The following FXYD3 variants were observed in gnomAD, a reference collection of about 807,000 sequenced individuals.
The protein encoded by FXYD3 is FXYD domain-containing ion transport regulator 3.
Under a neutral mutation model 19.2 loss-of-function variants are expected in FXYD3, and 13 were observed. The observed-to-expected ratio is 0.68, with a 90% confidence interval of 0.44 to 1.08. FXYD3 has a LOEUF of 1.08. Among genes scored for constraint, FXYD3 ranks in the 50% least tolerant of loss-of-function variants. The pLI is 0.00. For missense variants in FXYD3, 101 were observed against 109.4 expected (o/e 0.92, Z 0.34); for synonymous variants, 48 against 38.9 (o/e 1.23, Z -0.87).
chr19:35,119,578 A>G (rs923412493), intron 3 of FXYD3, 162 bp downstream of exon 3: 12 of 619,806 alleles, frequency 1.9e-5, no homozygotes, highest in Non-Finnish European at 3.2e-5. Context: ...ATAGCCGGGG[A>G]TACACGAGAA....
intron 2 of FXYD3, chr19:35,117,131 A>G (rs1308558555): frequency 1.4e-5 from 18 of 1,331,298 alleles, no homozygotes; most frequent in Non-Finnish European, 1.7e-5. Flanking sequence ...CTGCTCACCA[A>G]CCACATCAGT....
intron 2 of FXYD3, chr19:35,117,517 C>T (rs781435959): frequency 2.5e-5 from 20 of 788,250 alleles, no homozygotes; most frequent in Non-Finnish European, 3.7e-5. Context: ...AAGTGGGAAG[C>T]TGAGAAAATG....
At chr19:35,121,477 G>C in intron 5 of FXYD3, 1 of 1,442,968 alleles carries the variant, frequency 6.9e-7, no homozygotes, top group South Asian at 1.5e-5. Context: ...GGTGAGGACA[G>C]TTTGCAAGAA....
At position 35,123,327 on chromosome 19, in the gene FXYD3, G is replaced by A. The variant is rs764443826; in HGVS notation, c.247+19G>A. ...ACCCCAGGTAAGATGGGGCAGCATG[G>A]GGCTCAGGGGAACACGGAAGTGGTG... On this transcript the variant is annotated intron_variant, in intron 8 of 8. Transcript: ENST00000604404. 1 of 1,611,544 alleles carries A rather than the reference G, an allele frequency of 6.2e-7. No homozygotes were observed.
In FXYD3 at chr19:35,119,146, A is replaced by T. The variant is rs377069678; in HGVS notation, c.-14-217A>T. On this transcript the variant is annotated intron_variant, in intron 2 of 8. Coordinates refer to ENST00000604404, the MANE Select transcript of FXYD3 (RefSeq NM_005971.4). The stretch of plus-strand genomic sequence containing the variant: ...GCCTGAAGTCCATGTCCAGTGAGTT[A>T]TTATGGCTCCTCCCGCCTCAGGCCC... 162 of 1,534,240 alleles carry T rather than the reference A, an allele frequency of 1.1e-4. 1 individual carries two copies. The African/African-American group carries it at 2.1e-3, about 20-fold the overall frequency.
intron 2 of FXYD3, chr19:35,119,037 C>CA: frequency 1.4e-6 from 1 of 713,408 alleles, no homozygotes; most frequent in Non-Finnish European, 2.5e-6. Flanking sequence ...TTTCACCTCT[C>CA]AGAGCCTCAG....
chr19:35,116,068 G>A, intron 1 of FXYD3, 109 bp downstream of exon 1: 1 of 200,666 alleles, frequency 5.0e-6, no homozygotes, highest in South Asian at 1.7e-4. Context: ...GGAGATTGGA[G>A]AAAGCTCCTC....
intron 2 of FXYD3, chr19:35,117,414 C>T: frequency 1.4e-6 from 2 of 1,415,876 alleles, no homozygotes; most frequent in South Asian, 1.6e-5. Flanking sequence ...GAGCATAGGG[C>T]TTTAAGATGA....
In FXYD3 at chr19:35,123,924, A is replaced by T. The variant is rs2065104822; in HGVS notation, c.*467A>T. The T allele has an allele frequency of 4.9e-6, 1 of 205,588 alleles. No individual in the cohort carries two copies. Among genetic ancestry groups the T allele is most frequent in the Non-Finnish European group, 1.0e-5 (1 of 99,876 alleles). The allele number at this position is 205,588 out of a possible 1,614,324, so 12.7% of individuals were successfully genotyped here. A position where few individuals can be genotyped will look rare whatever the true frequency, so the allele number is the denominator to read the frequency against. ...ACCAGATGGAACACTGGAACATTCC[A>T]GTGGACCCTGGACCATTCCAGGAAA... On this transcript the variant is annotated 3_prime_UTR_variant, in exon 9 of 9. Coordinates refer to ENST00000604404, the MANE Select transcript of FXYD3 (RefSeq NM_005971.4).
rs2065082354 is a variant in FXYD3, at chr19:35,123,052, C to T, written c.209+98C>T. The T allele has an allele frequency of 2.7e-6, 4 of 1,473,590 alleles. No individual in the cohort carries two copies. In the East Asian group the frequency reaches 9.7e-5, roughly 36 times the overall value. 91.3% of individuals were successfully genotyped at this position (1,473,590 alleles called of 1,614,324 possible). On this transcript the variant is annotated intron_variant, in intron 7 of 8. Coordinates refer to ENST00000604404, the MANE Select transcript of FXYD3 (RefSeq NM_005971.4). ...AGCAGGAGAGGCCTCGGGGCTCTGC[C>T]CTTTAGAGTTCCTGCCGCTAAGATT...
intron 2 of FXYD3, chr19:35,118,683 C>A: frequency 1.7e-6 from 1 of 597,798 alleles, no homozygotes; most frequent in Non-Finnish European, 2.1e-6. Flanking sequence ...GGATGAGGGG[C>A]AGGAGGTTCG....
chr19:35,122,488 G>T (rs896779560), intron 5 of FXYD3, among the ~76,000 whole-genome samples: 29 of 152,090 alleles, frequency 1.9e-4, no homozygotes, highest in African/African-American at 6.0e-4. Flanking sequence ...AACCTAATAG[G>T]TGTCAGCCAC....
rs56310882 is a variant in FXYD3 at position 35,116,168 on chromosome 19, C to A, written c.-110-96C>A. 3.0e-3 allele frequency: 2,868 copies of A among 971,010 alleles called. 70 individuals carry two copies. The African/African-American group carries it at 0.048, about 16-fold the overall frequency. The allele number at this position is 971,010 out of a possible 1,614,324, so 60.1% of individuals were successfully genotyped here. On this transcript the variant is annotated intron_variant, in intron 1 of 8. Coordinates refer to ENST00000604404, the MANE Select transcript of FXYD3 (RefSeq NM_005971.4). ...CCTGGTGACCCCAGGGAGCAACCTGCCGCCCATGGCTGGGGAGGGGGTGAA... is the reference window on the plus strand; with the variant it reads ...CCTGGTGACCCCAGGGAGCAACCTGACGCCCATGGCTGGGGAGGGGGTGAA...
chr19:35,121,461 G>C, intron 5 of FXYD3: 1 of 1,469,870 alleles, frequency 6.8e-7, no homozygotes, highest in Non-Finnish European at 9.0e-7. Flanking sequence ...ATAGACACAC[G>C]CAGGAGGTGA....
intron 2 of FXYD3, chr19:35,116,958 A>G: frequency 1.0e-6 from 1 of 985,196 alleles, no homozygotes; most frequent in Non-Finnish European, 1.2e-6. Flanking sequence ...CTTTCTACCC[A>G]CCCCTGAACA....
In FXYD3 at chr19:35,121,407, T is replaced by C; in HGVS notation, c.97+162T>C. ...ATGCCACACAGTGGATTAAAGGAAC[T>C]AGAGGCAGCAACCTGGCCTTTGGGA... On this transcript the variant is annotated intron_variant, in intron 5 of 8. Coordinates refer to ENST00000604404, the MANE Select transcript of FXYD3 (RefSeq NM_005971.4). 2.6e-6 allele frequency: 4 copies of C among 1,563,100 alleles called. No individual in the cohort carries two copies. In the African/African-American group the frequency reaches 5.4e-5, roughly 21 times the overall value.
chr19:35,119,399 T>C lies in FXYD3; in HGVS notation c.23T>C (p.Leu8Pro), dbSNP rs755824659. The change falls in exon 3 of 9, where the codon CTG becomes CCG. Residue 8 changes from leucine (L) to proline (P), a missense_variant. Physicochemically the swap from Leu to Pro is moderately conservative, Grantham distance 98. Transcript: ENST00000604404. Reference sequence around the variant, plus strand: ...GACATGCAGAAGGTGACCCTGGGCCTGCTTGTGTTCCTGGCAGGTGAGTAC... The same window carrying C: ...GACATGCAGAAGGTGACCCTGGGCCCGCTTGTGTTCCTGGCAGGTGAGTAC... MQKVTLG[L>P]LVFLAGFPVL... The C allele has an allele frequency of 6.2e-7, 1 of 1,614,154 alleles. No individual in the cohort carries two copies. The highest frequency in any genetic ancestry group is 8.5e-7 in the Non-Finnish European group (1 of 1,180,004).
At chr19:35,118,567 T>G in intron 2 of FXYD3, 7 of 991,576 alleles carry the variant, frequency 7.1e-6, no homozygotes, top group Non-Finnish European at 8.4e-6. Flanking sequence ...AGAGAAAGTG[T>G]TTGCTGTCAC....
In FXYD3 at chr19:35,121,248, G is replaced by A. The variant is rs368251523; in HGVS notation, c.97+3G>A. The A allele has an allele frequency of 8.6e-5, 139 of 1,613,940 alleles. No individual in the cohort carries two copies. The highest frequency in any genetic ancestry group is 1.1e-4 in the Non-Finnish European group (132 of 1,179,942). On this transcript the variant is annotated splice_donor_region_variant and intron_variant, in intron 5 of 8. Coordinates refer to ENST00000604404, the MANE Select transcript of FXYD3 (RefSeq NM_005971.4). ...TAAAAACAGTCCTTTCTACTATGGT[G>A]AGAGCCCGTGCCCCCTTTCCCCTCC...
Sources: gnomAD v4.1 joint callset for allele counts (sites outside exome capture counted in the v4.1 genomes callset) on GRCh38, gnomAD v4.1.1 for gene constraint, MANE v1.5 for transcripts, NCBI Gene and HGNC (gene_info 2026-07-23, HGNC 2026-07-21) for gene names.